ZFPM2: variants seen among roughly 807,000 people sequenced by gnomAD.
ZFPM2 encodes zinc finger protein ZFPM2.
In ZFPM2, 20 loss-of-function variants were observed where a neutral mutation model predicts 98.6. The observed-to-expected ratio is 0.20, with a 90% CI of 0.14 to 0.29. ZFPM2 has a LOEUF of 0.29. Among genes scored for constraint, ZFPM2 ranks in the 10% least tolerant of loss-of-function variants. The pLI, the probability that ZFPM2 is intolerant of heterozygous loss-of-function variation, is 1.00. For missense variants in ZFPM2, 1,310 were observed against 1,388.6 expected, an observed-to-expected ratio of 0.94 and a Z score of 0.90; for synonymous variants, 518 against 502.7, an observed-to-expected ratio of 1.03 and a Z score of -0.41.
chr8:105,400,494 A>G (rs2129980109), intron 1 of ZFPM2, among the ~76,000 whole-genome samples: 1 of 152,104 alleles, frequency 6.6e-6, no homozygotes, highest in South Asian at 2.1e-4. Flanking sequence ...ATTCCCACGA[A>G]ATTTATTTTT....
At chr8:105,483,360 C>A (rs1273481759) in intron 3 of ZFPM2, among the ~76,000 whole-genome samples, 1 of 151,860 alleles carries the variant, frequency 6.6e-6, no homozygotes, top group African/African-American at 2.4e-5. Flanking sequence ...GAAGCTGAGG[C>A]GAGTGGATTG....
At chr8:105,638,643 A>G (rs1816893603) in intron 5 of ZFPM2, among the ~76,000 whole-genome samples, 1 of 152,020 alleles carries the variant, frequency 6.6e-6, no homozygotes, top group Non-Finnish European at 1.5e-5. Flanking sequence ...GAGATTTTTG[A>G]TAGTGTTTTC....
At chr8:105,517,576 G>A (rs1437947466) in intron 3 of ZFPM2, among the ~76,000 whole-genome samples, 2 of 151,944 alleles carry the variant, frequency 1.3e-5, no homozygotes, top group Non-Finnish European at 2.9e-5. Context: ...TTGGCTGGAT[G>A]CAATGGTTCA....
At chr8:105,627,495 C>T (rs1157524373) in intron 4 of ZFPM2, among the ~76,000 whole-genome samples, 1 of 152,058 alleles carries the variant, frequency 6.6e-6, no homozygotes, top group African/African-American at 2.4e-5. Context: ...TGATTTATTA[C>T]TGGAAAAGAC....
intron 1 of ZFPM2, among the ~76,000 whole-genome samples, chr8:105,355,810 A>G (rs951496565): frequency 2.0e-5 from 3 of 152,210 alleles, no homozygotes; most frequent in African/African-American, 7.2e-5. Flanking sequence ...GTTGCAGCAT[A>G]TTTTATAAAT....
chr8:105,470,598 C>G (rs1008078618), intron 3 of ZFPM2, among the ~76,000 whole-genome samples: 3 of 151,940 alleles, frequency 2.0e-5, no homozygotes, highest in African/African-American at 7.3e-5. Flanking sequence ...GACAAAATGG[C>G]GAAACCTTGT....
At chr8:105,528,994 T>G (rs1300622369) in intron 3 of ZFPM2, 1 of 152,200 alleles carries the variant, frequency 6.6e-6, no homozygotes, top group African/African-American at 2.4e-5. Flanking sequence ...TGTATTAGTT[T>G]ATTCTAGAGC....
intron 3 of ZFPM2, among the ~76,000 whole-genome samples, chr8:105,544,234 T>C (rs1210449442): frequency 3.3e-5 from 5 of 152,170 alleles, no homozygotes; most frequent in African/African-American, 9.7e-5. Flanking sequence ...GTATGGGTGT[T>C]AGAATATTTA....
At chr8:105,693,313 T>C (rs1810934020) in intron 5 of ZFPM2, among the ~76,000 whole-genome samples, 1 of 152,104 alleles carries the variant, frequency 6.6e-6, no homozygotes, top group Admixed American at 6.6e-5. Context: ...AGGTCAAGTG[T>C]ACGTGCATTG....
At chr8:105,452,312 G>A (rs1563665802) in intron 3 of ZFPM2, among the ~76,000 whole-genome samples, 1 of 152,118 alleles carries the variant, frequency 6.6e-6, no homozygotes, top group Non-Finnish European at 1.5e-5. Flanking sequence ...CACTAACAGG[G>A]TTTTACTGTG....
At position 105,566,896 on chromosome 8, in the gene ZFPM2, T is replaced by A. The variant is rs74774429; in HGVS notation, c.420+5415T>A. On this transcript the variant is annotated intron_variant, in intron 4 of 7. Coordinates refer to ENST00000407775, the MANE Select transcript of ZFPM2 (RefSeq NM_012082.4). ...AAATGTATTATTTTCCCACAGGGTA[T>A]TTGTGATACTGAATTTTTTTTAAAA... 7.0e-3 allele frequency among the ~76,000 whole-genome samples: 1,059 copies of A among 152,274 alleles called. 11 individuals carry two copies. Among genetic ancestry groups the A allele is most frequent in the African/African-American group, 0.024 (981 of 41,572 alleles).
intron 3 of ZFPM2, among the ~76,000 whole-genome samples, chr8:105,544,872 C>A (rs1322267116): frequency 6.6e-6 from 1 of 152,074 alleles, no homozygotes; most frequent in African/African-American, 2.4e-5. Context: ...TTCATGGAAC[C>A]ATCTTTTTTA....
intron 1 of ZFPM2, among the ~76,000 whole-genome samples, chr8:105,409,531 G>A (rs754741541): frequency 6.6e-6 from 1 of 151,904 alleles, no homozygotes; most frequent in Non-Finnish European, 1.5e-5. Flanking sequence ...ATTTGTCCAG[G>A]TGAAAGGCAG....
At chr8:105,326,409 T>G (rs1473688655) in intron 1 of ZFPM2, among the ~76,000 whole-genome samples, 1 of 151,722 alleles carries the variant, frequency 6.6e-6, no homozygotes, top group Non-Finnish European at 1.5e-5. Context: ...CTTTTAGGAT[T>G]ATGGGCACTA....
chr8:105,628,558 A>G (rs577268931), intron 4 of ZFPM2, among the ~76,000 whole-genome samples: 2 of 152,224 alleles, frequency 1.3e-5, no homozygotes, highest in African/African-American at 4.8e-5. Flanking sequence ...GTCCCATCAT[A>G]TGCCTATAAA....
At chr8:105,752,328 C>A (rs1380639191) in intron 5 of ZFPM2, among the ~76,000 whole-genome samples, 6 of 152,076 alleles carry the variant, frequency 3.9e-5, no homozygotes, top group Non-Finnish European at 7.4e-5. Context: ...TGTGTTCCGT[C>A]GTCAAGAACA....
At chr8:105,668,621 T>A (rs1399187803) in intron 5 of ZFPM2, among the ~76,000 whole-genome samples, 1 of 152,210 alleles carries the variant, frequency 6.6e-6, no homozygotes, top group Non-Finnish European at 1.5e-5. Flanking sequence ...TGGATTTATA[T>A]TAATATTAGG....
Position 105,658,403 on chromosome 8 carries a change from A to G in ZFPM2, c.532+24046A>G, listed in dbSNP as rs574484134. 4.7e-4 allele frequency among the ~76,000 whole-genome samples: 48 copies of G among 102,518 alleles called. 9 individuals carry two copies. The highest frequency in any genetic ancestry group is 3.0e-3 in the Admixed American group (30 of 9,908). The allele number at this position is 102,518 out of a possible 152,430, so 67.3% of individuals were successfully genotyped here. A position where few individuals can be genotyped will look rare whatever the true frequency, so the allele number is the denominator to read the frequency against. On this transcript the variant is annotated intron_variant, in intron 5 of 7. Transcript: ENST00000407775. ...GGAGATCGAGACCATCCTGGCTAAC[A>G]CGGTGAAACCCCGTCTCTACTAAAA... is the stretch of plus-strand genomic sequence containing the variant.
chr8:105,641,894 C>G (rs2130852326), intron 5 of ZFPM2, among the ~76,000 whole-genome samples: 1 of 152,134 alleles, frequency 6.6e-6, no homozygotes, highest in African/African-American at 2.4e-5. Context: ...ATATCCTAAA[C>G]CACCCTGGAT....
Sources: allele counts gnomAD v4.1 joint callset (sites outside exome capture counted in the v4.1 genomes callset), GRCh38; gene constraint gnomAD v4.1.1; transcripts MANE v1.5; gene names NCBI Gene and HGNC (gene_info 2026-07-23, HGNC 2026-07-21).